The following DDX4 variants were observed in gnomAD, a reference collection of about 807,000 sequenced individuals.
The protein encoded by DDX4 is DEAD-box helicase 4.
A neutral mutation model predicts 100.0 loss-of-function variants in DDX4; 25 were observed. The observed-to-expected ratio is 0.25, with a 90% confidence interval of 0.18 to 0.35. DDX4 has a LOEUF of 0.35. Ranked by LOEUF, DDX4 falls within the 10% of genes least tolerant of loss-of-function variation. The pLI is 1.00. For missense variants in DDX4, 635 were observed against 882.4 expected (o/e 0.72, Z 3.55); for synonymous variants, 259 against 275.7 (o/e 0.94, Z 0.60).
Position 55,785,489 on chromosome 5 carries a change from C to T in DDX4, c.716C>T (p.Thr239Ile), listed in dbSNP as rs763851557. ...SEAEGGESSD[T>I]QGPKVTYIPP... ...GCAGAAGGAGGAGAAAGTAGTGATA[C>T]TCAAGGTATATTAACATTTGTGTGA... Residue 239 changes from threonine (T) to isoleucine (I), a missense_variant, in exon 12 of 22, where the codon ACT (threonine) becomes ATT (isoleucine). Coordinates refer to ENST00000505374, the MANE Select transcript of DDX4 (RefSeq NM_024415.3). 32 of 1,599,062 alleles carry T rather than the reference C, an allele frequency of 2.0e-5. No individual in the cohort carries two copies. Among genetic ancestry groups the T allele is most frequent in the Non-Finnish European group, 2.7e-5 (32 of 1,168,868 alleles).
At chr5:55,795,104 T>TA (rs1742846216) in intron 17 of DDX4, among the ~76,000 whole-genome samples, 1 of 152,098 alleles carries the variant, frequency 6.6e-6, no homozygotes. Flanking sequence ...TGGCTGGGAT[T>TA]ACAGGCATGT....
chr5:55,760,212 G>T lies in DDX4; in HGVS notation c.140G>T (p.Gly47Val). The change falls in exon 4 of 22, where the codon GGA becomes GTA. Residue 47 changes from glycine to valine, a missense_variant. Physicochemically the swap from Gly to Val is moderately radical, Grantham distance 109. Transcript: ENST00000505374. ...TPASSSEMDD[G>V]PSRRDHFMKS... ...TTGTTTGCTTTAGAAATGGATGATG[G>T]ACCTTCTCGAAGAGATCATTTCATG... The T allele has an allele frequency of 6.4e-7, 1 of 1,571,926 alleles. No homozygotes were observed. Among genetic ancestry groups the T allele is most frequent in the Non-Finnish European group, 8.6e-7 (1 of 1,163,940 alleles).
chr5:55,768,011 G>A, intron 7 of DDX4, 71 bp downstream of exon 7: 1 of 1,361,532 alleles, frequency 7.3e-7, no homozygotes. Context: ...GATTTTGAAG[G>A]AGCTGGATGA....
At chr5:55,802,434 A>G (rs1268421273) in intron 18 of DDX4, among the ~76,000 whole-genome samples, 1 of 152,224 alleles carries the variant, frequency 6.6e-6, no homozygotes, top group Admixed American at 6.5e-5. Context: ...ATTGCAAACA[A>G]ATGGCCACAG....
chr5:55,769,860 CTTCT>C (rs1275394925), intron 7 of DDX4, among the ~76,000 whole-genome samples: 1 of 151,352 alleles, frequency 6.6e-6, no homozygotes, highest in East Asian at 1.9e-4. Context: ...AAAATAATGC[CTTCT>C]TTTACTTTTT....
At chr5:55,757,779 C>T (rs1447459737) in intron 3 of DDX4, among the ~76,000 whole-genome samples, 5 of 152,128 alleles carry the variant, frequency 3.3e-5, no homozygotes, top group South Asian at 2.1e-4. Flanking sequence ...CGCGGTGGCT[C>T]ACGCCTGTAG....
chr5:55,774,348 C>T (rs1000686764), intron 7 of DDX4, among the ~76,000 whole-genome samples: 1 of 151,984 alleles, frequency 6.6e-6, no homozygotes, highest in Admixed American at 6.6e-5. Flanking sequence ...GATGGGGTCT[C>T]ACTGTGTTGT....
intron 18 of DDX4, among the ~76,000 whole-genome samples, chr5:55,800,417 G>A (rs963854681): frequency 1.2e-4 from 18 of 149,606 alleles, no homozygotes; most frequent in African/African-American, 4.2e-4. Context: ...TCTGCCTCCC[G>A]GGTTCACGCC....
intron 21 of DDX4, among the ~76,000 whole-genome samples, chr5:55,815,635 G>A (rs1411913838): frequency 1.3e-5 from 2 of 152,132 alleles, no homozygotes; most frequent in Non-Finnish European, 2.9e-5. Context: ...TGCCTAAACA[G>A]TCTCCTTTCC....
At chr5:55,779,532 C>T (rs997165661) in intron 7 of DDX4, among the ~76,000 whole-genome samples, 3 of 152,128 alleles carry the variant, frequency 2.0e-5, no homozygotes, top group African/African-American at 7.2e-5. Context: ...AAAAATTGTT[C>T]TTACCTGGAA....
chr5:55,777,896 A>C (rs1263797509), intron 7 of DDX4, among the ~76,000 whole-genome samples: 4 of 152,316 alleles, frequency 2.6e-5, no homozygotes, highest in Admixed American at 1.3e-4. Flanking sequence ...ACTAAGATGC[A>C]CAAAGGAAAA....
At chr5:55,815,577 A>G (rs768407027) in intron 21 of DDX4, among the ~76,000 whole-genome samples, 154 bp downstream of exon 21, 5 of 152,162 alleles carry the variant, frequency 3.3e-5, no homozygotes, top group Non-Finnish European at 7.4e-5. Context: ...CATTTTATGT[A>G]TATACATATT....
chr5:55,801,270 A>G (rs1020090427), intron 18 of DDX4, among the ~76,000 whole-genome samples: 5 of 143,706 alleles, frequency 3.5e-5, no homozygotes, highest in African/African-American at 1.0e-4. Context: ...CTCATCAGCT[A>G]TCAGTAGTGT....
chr5:55,764,843 G>A (rs550522022), intron 6 of DDX4, among the ~76,000 whole-genome samples: 3 of 152,248 alleles, frequency 2.0e-5, no homozygotes, highest in African/African-American at 4.8e-5. Context: ...GTGAGAATGC[G>A]TGTAAAAGCA....
intron 3 of DDX4, among the ~76,000 whole-genome samples, chr5:55,747,698 C>T (rs375513254): frequency 1.1e-4 from 16 of 152,330 alleles, no homozygotes; most frequent in African/African-American, 3.8e-4. Flanking sequence ...TCTTCCCAAA[C>T]TGGAACTCTG....
At chr5:55,788,734 A>G (rs905881704) in intron 15 of DDX4, among the ~76,000 whole-genome samples, 1 of 152,170 alleles carries the variant, frequency 6.6e-6, no homozygotes, top group Non-Finnish European at 1.5e-5. Context: ...ACTTGGGGCT[A>G]TTGTAAACAA....
intron 21 of DDX4, among the ~76,000 whole-genome samples, chr5:55,815,774 C>CTTTTTTTTTTTTTTT (rs67244556): frequency 7.4e-6 from 1 of 135,988 alleles, no homozygotes; most frequent in African/African-American, 2.7e-5. Context: ...TTTTTCTTTT[C>CTTTTTTTTTTTTTTT]TTTTTTTTTT....
intron 3 of DDX4, among the ~76,000 whole-genome samples, chr5:55,755,230 AGG>A (rs1218263306): frequency 2.6e-5 from 4 of 152,176 alleles, no homozygotes; most frequent in Non-Finnish European, 4.4e-5. Context: ...ACAAACATCT[AGG>A]CTTTTCCTCA....
At chr5:55,765,091 G>A (rs760531766) in intron 6 of DDX4, among the ~76,000 whole-genome samples, 7 of 151,612 alleles carry the variant, frequency 4.6e-5, no homozygotes, top group East Asian at 1.9e-4. Context: ...CTCCTATCCC[G>A]TTCAAATGAA....
Sources: gnomAD v4.1 joint callset for allele counts (sites outside exome capture counted in the v4.1 genomes callset) on GRCh38, gnomAD v4.1.1 for gene constraint, MANE v1.5 for transcripts, NCBI Gene and HGNC (gene_info 2026-07-23, HGNC 2026-07-21) for gene names.